IFIH1: variants seen among roughly 807,000 people sequenced by gnomAD.
The protein encoded by IFIH1 is interferon induced with helicase C domain 1, also known as interferon-induced helicase C domain-containing protein 1.
IFIH1 carries 125 observed loss-of-function variants against 107.4 expected under a neutral mutation model. The observed-to-expected ratio is 1.16, with a 90% CI of 1.01 to 1.35. IFIH1 has a LOEUF of 1.35. Ranked by LOEUF, IFIH1 falls within the 40% of genes most tolerant of loss-of-function variation. The pLI, the probability that IFIH1 is intolerant of heterozygous loss-of-function variation, is 0.00. For missense variants in IFIH1, 1,333 were observed against 1,213.7 expected, an observed-to-expected ratio of 1.10 and a Z score of -1.46; for synonymous variants, 458 against 413.2, an observed-to-expected ratio of 1.11 and a Z score of -1.31.
chr2:162,315,328 C>T (rs1683468800), intron 1 of IFIH1, among the ~76,000 whole-genome samples: 1 of 152,162 alleles, frequency 6.6e-6, no homozygotes, highest in African/African-American at 2.4e-5. Context: ...GCTTACTAAA[C>T]ACCAACCCTC....
At chr2:162,273,702 A>C in intron 12 of IFIH1, 93 bp downstream of exon 12, 2 of 962,216 alleles carry the variant, frequency 2.1e-6, no homozygotes, top group South Asian at 4.1e-5. Context: ...AAAAACTAAA[A>C]AGATGTTTTT....
intron 2 of IFIH1, among the ~76,000 whole-genome samples, chr2:162,308,920 A>G (rs1683338439): frequency 1.3e-5 from 2 of 152,242 alleles, no homozygotes; most frequent in South Asian, 4.1e-4. Context: ...AACATTGTCC[A>G]AATCAGACGT....
At chr2:162,296,885 A>G (rs558996729) in intron 3 of IFIH1, among the ~76,000 whole-genome samples, 1 of 152,224 alleles carries the variant, frequency 6.6e-6, no homozygotes, top group African/African-American at 2.4e-5. Context: ...AATCCTGTAG[A>G]GATTATTATG....
chr2:162,293,816 T>C, intron 3 of IFIH1, 148 bp from the exon 4 acceptor site: 1 of 540,820 alleles, frequency 1.8e-6, no homozygotes, highest in Non-Finnish European at 3.2e-6. Flanking sequence ...GGTAAGCGCT[T>C]CTGGCAGGCT....
At chr2:162,269,719 A>G (rs1690997777) in intron 13 of IFIH1, among the ~76,000 whole-genome samples, 1 of 152,206 alleles carries the variant, frequency 6.6e-6, no homozygotes, top group African/African-American at 2.4e-5. Context: ...CAGTAAAAGT[A>G]AGTCATCAGT....
chr2:162,303,476 C>T (rs1454490050), intron 3 of IFIH1, among the ~76,000 whole-genome samples: 1 of 152,116 alleles, frequency 6.6e-6, no homozygotes, highest in African/African-American at 2.4e-5. Context: ...TCATATTAGG[C>T]TCCATGGCCA....
rs71888984 is a variant in IFIH1, at chr2:162,314,854, GTC to G, written c.453+2999_453+3000del. 3.6e-3 allele frequency among the ~76,000 whole-genome samples: 546 copies of G among 152,238 alleles called. 3 individuals carry two copies. Among genetic ancestry groups the G allele is most frequent in the African/African-American group, 0.013 (520 of 41,528 alleles). On this transcript the variant is annotated intron_variant, in intron 1 of 15. Coordinates refer to ENST00000649979, the MANE Select transcript of IFIH1 (RefSeq NM_022168.4). ...CACAACTTCACGAAAGGACAAAACAGTCTCTGTGTTTTTCTCCTATCTTTTCA... is the reference window on the plus strand; with the variant it reads ...CACAACTTCACGAAAGGACAAAACAGTCTGTGTTTTTCTCCTATCTTTTCA...
chr2:162,282,455 G>C lies in IFIH1; in HGVS notation c.1217C>G (p.Ser406Cys). 1 of 1,611,436 alleles carries C rather than the reference G, an allele frequency of 6.2e-7. No individual in the cohort carries two copies. The highest frequency in any genetic ancestry group is 1.1e-5 in the South Asian group (1 of 91,014). ...LKISFPEVVK[S>C]CDIIISTAQI... Reference sequence around the variant, plus strand: ...AGCTGTACTGATAATAATATCACAGGACTTGACAACTTCTGGAAATGATAT... The same window carrying C: ...AGCTGTACTGATAATAATATCACAGCACTTGACAACTTCTGGAAATGATAT... Residue 406 changes from serine to cysteine, a missense_variant, in exon 6 of 16, where the codon TCC becomes TGC. Ser to Cys is a moderately radical substitution (Grantham distance 112, BLOSUM62 -1). Transcript: ENST00000649979.
In IFIH1 at chr2:162,278,887, G is replaced by A. The variant is rs865880406; in HGVS notation, c.1642-559C>T. Among the ~76,000 whole-genome samples, 11 of 152,172 alleles carry A rather than the reference G, an allele frequency of 7.2e-5. 1 individual carries two copies. The South Asian group carries it at 1.9e-3, about 26-fold the overall frequency. ...TGGGGCATGGTGACTGGAAGGGGGA[G>A]CCAGGAGCTTTTAGGATACTGGCAG... On this transcript the variant is annotated intron_variant, in intron 8 of 15. Transcript: ENST00000649979.
chr2:162,294,977 A>C (rs1171870745), intron 3 of IFIH1, among the ~76,000 whole-genome samples: 1 of 152,002 alleles, frequency 6.6e-6, no homozygotes, highest in East Asian at 1.9e-4. Context: ...TTAAGTAGTT[A>C]ATTTTTTCAA....
intron 7 of IFIH1, 51 bp downstream of exon 7, chr2:162,281,277 G>T: frequency 7.2e-7 from 1 of 1,389,324 alleles, no homozygotes; most frequent in Non-Finnish European, 1.0e-6. Context: ...AGAAGTCCTG[G>T]CATTTGTTTT....
At chr2:162,309,341 A>G (rs564902087) in intron 2 of IFIH1, among the ~76,000 whole-genome samples, 3 of 152,328 alleles carry the variant, frequency 2.0e-5, no homozygotes, top group East Asian at 1.9e-4. Context: ...AACCAGAGAG[A>G]CAGTTTTGCC....
At chr2:162,317,248 A>G (rs892883923) in intron 1 of IFIH1, among the ~76,000 whole-genome samples, 2 of 152,230 alleles carry the variant, frequency 1.3e-5, no homozygotes, top group South Asian at 2.1e-4. Flanking sequence ...CTGTGTTCCA[A>G]TAAAACTTTA....
At chr2:162,310,517 G>T (rs1387521512) in intron 2 of IFIH1, 9 of 511,632 alleles carry the variant, frequency 1.8e-5, no homozygotes, top group Non-Finnish European at 1.4e-5. Context: ...TAGTCATATT[G>T]TTTTTAAAAT....
intron 13 of IFIH1, among the ~76,000 whole-genome samples, chr2:162,271,853 A>G (rs1445540567): frequency 1.3e-5 from 2 of 152,168 alleles, no homozygotes; most frequent in Admixed American, 1.3e-4. Context: ...GTTACCTGGC[A>G]CACAGTAGGC....
At chr2:162,313,095 G>T (rs539634182) in intron 1 of IFIH1, among the ~76,000 whole-genome samples, 1 of 152,296 alleles carries the variant, frequency 6.6e-6, no homozygotes, top group South Asian at 2.1e-4. Context: ...CTTACAATTT[G>T]AATGTGGAAC....
Position 162,311,747 on chromosome 2 carries a change from A to G in IFIH1, c.454-814T>C, listed in dbSNP as rs116697221. 1.9e-3 allele frequency among the ~76,000 whole-genome samples: 291 copies of G among 152,276 alleles called. 2 individuals carry two copies. The highest frequency in any genetic ancestry group is 6.9e-3 in the African/African-American group (285 of 41,562). ...AACTCAAGCCATGTTTAGACATGAAAGAAGTTAGGCAGGACATCATTAGCT... is the reference window on the plus strand; with the variant it reads ...AACTCAAGCCATGTTTAGACATGAAGGAAGTTAGGCAGGACATCATTAGCT... On this transcript the variant is annotated intron_variant, in intron 1 of 15. Transcript: ENST00000649979.
At chr2:162,295,416 A>T (rs1376662627) in intron 3 of IFIH1, among the ~76,000 whole-genome samples, 1 of 151,944 alleles carries the variant, frequency 6.6e-6, no homozygotes, top group African/African-American at 2.4e-5. Flanking sequence ...TTCCACTGAG[A>T]ATCTGTGACA....
rs551523058 is a variant in IFIH1 at position 162,306,916 on chromosome 2, A to G, written c.623-61T>C. ...CCATACAAGTTTTTGTAGAGCATAC[A>G]TAACTGTTATTGTTATTTTGAAAAC... On this transcript the variant is annotated intron_variant, in intron 2 of 15. Coordinates refer to ENST00000649979, the MANE Select transcript of IFIH1 (RefSeq NM_022168.4). 4.0e-4 allele frequency: 566 copies of G among 1,432,514 alleles called. 6 individuals are homozygous for G. The South Asian group carries it at 6.4e-3, about 16-fold the overall frequency. 88.7% of individuals were successfully genotyped at this position (1,432,514 alleles called of 1,614,324 possible). A position where few individuals can be genotyped will look rare whatever the true frequency, so the allele number is the denominator to read the frequency against.
Sources: allele counts gnomAD v4.1 joint callset (sites outside exome capture counted in the v4.1 genomes callset), GRCh38; gene constraint gnomAD v4.1.1; transcripts MANE v1.5; gene names NCBI Gene and HGNC (gene_info 2026-07-23, HGNC 2026-07-21).